The following CSTPP1 variants were observed in gnomAD, a reference collection of about 807,000 sequenced individuals.
CSTPP1 encodes the protein UPF0705 protein C11orf49.
At chr11:46,996,028 G>C in the CSTPP1 span, among the ~76,000 whole-genome samples, 3 of 152,130 alleles carry the variant, frequency 2.0e-5, no homozygotes, top group Admixed American at 2.0e-4. Context: ...TTACCATTAT[G>C]TAATGGCCTT....
chr11:47,058,704 G>A, the CSTPP1 span, among the ~76,000 whole-genome samples: 1 of 152,076 alleles, frequency 6.6e-6, no homozygotes, highest in Non-Finnish European at 1.5e-5. Flanking sequence ...TATTTCCTTT[G>A]CATAGAAAAT....
the CSTPP1 span, among the ~76,000 whole-genome samples, chr11:47,098,116 G>C: frequency 6.7e-4 from 72 of 107,316 alleles, no homozygotes; most frequent in African/African-American, 2.4e-3. Flanking sequence ...CAGCATGCTC[G>C]TTAAGAGTCA....
At chr11:47,128,132 C>G in the CSTPP1 span, among the ~76,000 whole-genome samples, 3 of 152,146 alleles carry the variant, frequency 2.0e-5, no homozygotes, top group Admixed American at 6.6e-5. Context: ...GCCTCTGGCT[C>G]CCAAAGTGCT....
At chr11:47,037,503 C>T in the CSTPP1 span, among the ~76,000 whole-genome samples, 1 of 117,498 alleles carries the variant, frequency 8.5e-6, no homozygotes, top group African/African-American at 2.6e-5. Flanking sequence ...GAACAAAGGT[C>T]TCTGGTTTTC....
At chr11:47,157,366 A>G in the CSTPP1 span, 1 of 924,448 alleles carries the variant, frequency 1.1e-6, no homozygotes, top group Non-Finnish European at 1.6e-6. Flanking sequence ...TTGCCCCCAA[A>G]CCAGTTGTTG....
chr11:47,155,239 C>G, the CSTPP1 span: 1 of 1,613,942 alleles, frequency 6.2e-7, no homozygotes, highest in Non-Finnish European at 8.5e-7. Flanking sequence ...TCTTTGCCTT[C>G]CAGATCCAGT....
At chr11:47,157,213 G>A in the CSTPP1 span, 3 of 1,577,164 alleles carry the variant, frequency 1.9e-6, no homozygotes, top group African/African-American at 1.3e-5. Context: ...ATCGGCACAA[G>A]TACAGGTGAG....
the CSTPP1 span, chr11:47,041,256 TC>T: frequency 3.9e-6 from 1 of 255,706 alleles, no homozygotes; most frequent in Non-Finnish European, 8.3e-6. Flanking sequence ...GTTGTATGTG[TC>T]AATCTTGTAC....
At chr11:47,086,792 G>T in the CSTPP1 span, among the ~76,000 whole-genome samples, 2 of 152,156 alleles carry the variant, frequency 1.3e-5, no homozygotes, top group African/African-American at 4.8e-5. Context: ...TTTATCAAAA[G>T]CAGTGATAAC....
chr11:47,038,951 G>T, the CSTPP1 span, among the ~76,000 whole-genome samples: 1 of 121,090 alleles, frequency 8.3e-6, no homozygotes. Flanking sequence ...ATGGGCCGCC[G>T]GGCAGAGACG....
At chr11:47,138,474 G>A in the CSTPP1 span, among the ~76,000 whole-genome samples, 1 of 152,152 alleles carries the variant, frequency 6.6e-6, no homozygotes, top group Non-Finnish European at 1.5e-5. Flanking sequence ...GGGACTGGAA[G>A]GGCATAAAGG....
chr11:47,008,741 A>G, the CSTPP1 span, among the ~76,000 whole-genome samples: 10 of 152,156 alleles, frequency 6.6e-5, no homozygotes, highest in Non-Finnish European at 1.3e-4. Flanking sequence ...GTTAGAGGTT[A>G]GTAAAAATAA....
chr11:47,116,675 G>GTTTTTTTTTTTTTTTTTTT, the CSTPP1 span, among the ~76,000 whole-genome samples: 1 of 83,934 alleles, frequency 1.2e-5, no homozygotes, highest in East Asian at 3.6e-4. Context: ...TGCTTGGTAG[G>GTTTTTTTTTTTTTTTTTTT]TTTTTTTTTT....
At chr11:47,133,701 T>G in the CSTPP1 span, among the ~76,000 whole-genome samples, 1 of 152,226 alleles carries the variant, frequency 6.6e-6, no homozygotes, top group Non-Finnish European at 1.5e-5. Flanking sequence ...TGCAGTTAGT[T>G]TGGAGGGGAA....
the CSTPP1 span, chr11:46,991,659 TC>T: frequency 6.6e-6 from 1 of 152,338 alleles, no homozygotes; most frequent in African/African-American, 2.4e-5. Flanking sequence ...TAATGCTTCT[TC>T]CTGGCTTTTT....
At chr11:47,004,744 A>T in the CSTPP1 span, among the ~76,000 whole-genome samples, 2 of 152,234 alleles carry the variant, frequency 1.3e-5, no homozygotes, top group East Asian at 3.9e-4. Flanking sequence ...ACTCTATCCA[A>T]CTTGTGTTGT....
the CSTPP1 span, among the ~76,000 whole-genome samples, chr11:47,104,004 T>C: frequency 5.3e-5 from 8 of 152,276 alleles, no homozygotes; most frequent in African/African-American, 1.9e-4. Flanking sequence ...CCTCAGTCTC[T>C]GACTCTTCCT....
the CSTPP1 span, among the ~76,000 whole-genome samples, chr11:47,153,229 G>T: frequency 6.6e-5 from 10 of 152,266 alleles, no homozygotes; most frequent in South Asian, 2.1e-4. Flanking sequence ...TTGGCCTTTG[G>T]CACTGCACTT....
At chr11:47,131,139 C>T in the CSTPP1 span, among the ~76,000 whole-genome samples, 7 of 152,334 alleles carry the variant, frequency 4.6e-5, no homozygotes, top group South Asian at 1.4e-3. Flanking sequence ...TCTTTGACTT[C>T]AGGCTTTAGG....
Sources: gnomAD v4.1 joint callset for allele counts (sites outside exome capture counted in the v4.1 genomes callset) on GRCh38, gnomAD v4.1.1 for gene constraint, MANE v1.5 for transcripts, NCBI Gene and HGNC (gene_info 2026-07-23, HGNC 2026-07-21) for gene names.